KLF12: variants seen among roughly 807,000 people sequenced by gnomAD.
KLF12 encodes the protein Krueppel-like factor 12.
KLF12 carries 9 observed loss-of-function variants against 37.8 expected under a neutral mutation model. The observed-to-expected ratio is 0.24, with a 90% CI of 0.14 to 0.42. The LOEUF (loss-of-function observed/expected upper bound fraction) is 0.42. Ranked by LOEUF, KLF12 falls within the 10% of genes least tolerant of loss-of-function variation. KLF12 has a pLI of 1.00. For missense variants in KLF12, 411 were observed against 516.0 expected (o/e 0.80, Z 1.97); for synonymous variants, 208 against 202.1 (o/e 1.03, Z -0.25).
At chr13:74,157,931 A>G in the KLF12 span, among the ~76,000 whole-genome samples, 1 of 152,214 alleles carries the variant, frequency 6.6e-6, no homozygotes, top group East Asian at 1.9e-4. Flanking sequence ...CTCGCAGAGT[A>G]TCTCTCCTCC....
At chr13:74,141,614 C>T in the KLF12 span, among the ~76,000 whole-genome samples, 1 of 152,110 alleles carries the variant, frequency 6.6e-6, no homozygotes, top group Non-Finnish European at 1.5e-5. Flanking sequence ...ACACCAAAGC[C>T]CCAATCTCAT....
chr13:74,264,508 A>G, the KLF12 span, among the ~76,000 whole-genome samples: 1 of 152,226 alleles, frequency 6.6e-6, no homozygotes, highest in Admixed American at 6.5e-5. Flanking sequence ...ATGGAGATAT[A>G]TGGGAGGATT....
intron 5 of KLF12, among the ~76,000 whole-genome samples, chr13:73,787,343 GTAGT>G (rs1282853892): frequency 3.9e-5 from 6 of 152,334 alleles, no homozygotes; most frequent in Middle Eastern, 3.4e-3. Context: ...CCCAGGTCAT[GTAGT>G]TAGTCAGAGA....
the KLF12 span, among the ~76,000 whole-genome samples, chr13:74,282,787 C>T: frequency 3.9e-5 from 6 of 152,078 alleles, no homozygotes; most frequent in African/African-American, 9.7e-5. Context: ...ACCTCTATTA[C>T]GGTTTCAGTT....
chr13:74,119,047 C>T (rs936535153), intron 1 of KLF12, among the ~76,000 whole-genome samples: 1 of 152,052 alleles, frequency 6.6e-6, no homozygotes, highest in Non-Finnish European at 1.5e-5. Flanking sequence ...TCAAAAATTA[C>T]AAGGGCAGGG....
At chr13:73,836,994 C>T (rs936666663) in intron 4 of KLF12, among the ~76,000 whole-genome samples, 5 of 152,116 alleles carry the variant, frequency 3.3e-5, no homozygotes, top group African/African-American at 1.2e-4. Context: ...GAAAACAAAG[C>T]CCATTTTTTA....
intron 1 of KLF12, among the ~76,000 whole-genome samples, chr13:74,052,352 T>C (rs1402377693): frequency 1.3e-5 from 2 of 152,134 alleles, no homozygotes; most frequent in African/African-American, 4.8e-5. Flanking sequence ...TGCTACTCAT[T>C]AGATAATTCT....
At chr13:74,012,822 A>G (rs1330349520) in intron 1 of KLF12, among the ~76,000 whole-genome samples, 1 of 152,182 alleles carries the variant, frequency 6.6e-6, no homozygotes, top group Non-Finnish European at 1.5e-5. Context: ...ACAATCACAT[A>G]TTATATCTAA....
chr13:73,801,505 A>T (rs1248575380), intron 5 of KLF12: 1 of 152,126 alleles, frequency 6.6e-6, no homozygotes, highest in Non-Finnish European at 1.5e-5. Flanking sequence ...GTCAACACAC[A>T]TCAAAAATGC....
At chr13:74,258,161 T>TGTGTGTGTG in the KLF12 span, 1 of 133,836 alleles carries the variant, frequency 7.5e-6, no homozygotes, top group Non-Finnish European at 1.6e-5. Flanking sequence ...ATTACTGTGT[T>TGTGTGTGTG]TGTGTGTGTG....
chr13:73,888,909 G>A (rs1566439993), intron 3 of KLF12, among the ~76,000 whole-genome samples: 2 of 152,120 alleles, frequency 1.3e-5, no homozygotes, highest in African/African-American at 2.4e-5. Flanking sequence ...ACTGCATTTG[G>A]GAAAGTATGG....
intron 5 of KLF12, among the ~76,000 whole-genome samples, chr13:73,808,677 T>C (rs1476925730): frequency 6.6e-6 from 1 of 152,184 alleles, no homozygotes; most frequent in Non-Finnish European, 1.5e-5. Context: ...TTAGGACAAA[T>C]AATTTACTAG....
At chr13:74,238,459 T>C in the KLF12 span, among the ~76,000 whole-genome samples, 1 of 138,604 alleles carries the variant, frequency 7.2e-6, no homozygotes, top group Non-Finnish European at 1.5e-5. Context: ...CCTCATCAAA[T>C]GAGTTAGGGA....
chr13:73,827,500 T>A (rs535807747), intron 4 of KLF12, among the ~76,000 whole-genome samples: 24 of 152,324 alleles, frequency 1.6e-4, no homozygotes, highest in Non-Finnish European at 2.9e-4. Context: ...ATGCTGTAAC[T>A]ATCCAAAGAA....
At chr13:74,140,326 C>T in the KLF12 span, among the ~76,000 whole-genome samples, 1 of 151,998 alleles carries the variant, frequency 6.6e-6, no homozygotes, top group Non-Finnish European at 1.5e-5. Flanking sequence ...AGTTCGAAAC[C>T]AGCCTGAGAA....
chr13:73,721,609 G>A (rs1188599679), intron 6 of KLF12, among the ~76,000 whole-genome samples: 1 of 152,172 alleles, frequency 6.6e-6, no homozygotes, highest in Non-Finnish European at 1.5e-5. Context: ...CTGCAGTGCA[G>A]TGGTAGAATC....
chr13:74,154,705 C>T, the KLF12 span, among the ~76,000 whole-genome samples: 3 of 152,180 alleles, frequency 2.0e-5, no homozygotes, highest in East Asian at 1.9e-4. Flanking sequence ...ATAATAGTGA[C>T]GGTCCCATCA....
At chr13:74,100,907 T>C (rs756604035) in intron 1 of KLF12, among the ~76,000 whole-genome samples, 3 of 152,114 alleles carry the variant, frequency 2.0e-5, no homozygotes, top group Non-Finnish European at 4.4e-5. Flanking sequence ...TGAAGTTTCC[T>C]CATCTGAGAA....
At chr13:74,235,692 G>C in the KLF12 span, among the ~76,000 whole-genome samples, 1 of 152,026 alleles carries the variant, frequency 6.6e-6, no homozygotes, top group East Asian at 1.9e-4. Flanking sequence ...TTCATGAGGA[G>C]TATTTCTCTC....
Sources: gnomAD v4.1 joint callset for allele counts (sites outside exome capture counted in the v4.1 genomes callset) on GRCh38, gnomAD v4.1.1 for gene constraint, MANE v1.5 for transcripts, NCBI Gene and HGNC (gene_info 2026-07-23, HGNC 2026-07-21) for gene names.